FGF14: variants seen among roughly 807,000 people sequenced by gnomAD.
FGF14 encodes the protein fibroblast growth factor 14.
In FGF14, 5 loss-of-function variants were observed where a neutral mutation model predicts 25.5. The observed-to-expected ratio is 0.20, with a 90% confidence interval of 0.10 to 0.41. The LOEUF is 0.41. Among genes scored for constraint, FGF14 ranks in the 10% least tolerant of loss-of-function variants. The pLI is 1.00. For missense variants in FGF14, 222 were observed against 320.1 expected (o/e 0.69, Z 2.34); for synonymous variants, 138 against 118.3 (o/e 1.17, Z -1.08).
At chr13:102,188,840 C>T (rs544650448) in intron 1 of FGF14, among the ~76,000 whole-genome samples, 1 of 151,752 alleles carries the variant, frequency 6.6e-6, no homozygotes, top group Non-Finnish European at 1.5e-5. Context: ...ACTGGGGAGG[C>T]TGAGGCAGGA....
At chr13:102,095,399 C>T (rs888710614) in intron 1 of FGF14, among the ~76,000 whole-genome samples, 23 of 152,034 alleles carry the variant, frequency 1.5e-4, no homozygotes, top group Admixed American at 5.2e-4. Context: ...ACTTCTTTTA[C>T]GACATAGGCC....
chr13:102,363,016 T>C (rs2057610884), intron 1 of FGF14, among the ~76,000 whole-genome samples: 2 of 152,150 alleles, frequency 1.3e-5, no homozygotes, highest in South Asian at 2.1e-4. Context: ...ATAGTGAGCA[T>C]GTTAAGAATA....
chr13:102,247,834 C>T (rs541169033), intron 1 of FGF14, among the ~76,000 whole-genome samples: 2 of 152,126 alleles, frequency 1.3e-5, no homozygotes, highest in Non-Finnish European at 2.9e-5. Flanking sequence ...GACATGGACT[C>T]AACCTAAATG....
intron 1 of FGF14, among the ~76,000 whole-genome samples, chr13:102,121,883 A>G (rs2045744469): frequency 1.3e-5 from 2 of 152,234 alleles, no homozygotes; most frequent in Non-Finnish European, 2.9e-5. Context: ...TAACATAAGC[A>G]AAAAGAACAG....
intron 1 of FGF14, among the ~76,000 whole-genome samples, chr13:101,945,155 C>G (rs1269409456): frequency 6.6e-6 from 1 of 152,062 alleles, no homozygotes; most frequent in African/African-American, 2.4e-5. Flanking sequence ...CCCATCTCTA[C>G]TAAAAATACA....
chr13:101,919,447 A>C (rs1203908903), upstream of FGF14, among the ~76,000 whole-genome samples: 1 of 151,896 alleles, frequency 6.6e-6, no homozygotes, highest in Non-Finnish European at 1.5e-5. Flanking sequence ...TATTAATTTG[A>C]AAAGAGTGAC....
chr13:101,737,437 A>T (rs1269823428), intron 3 of FGF14, among the ~76,000 whole-genome samples: 2 of 278 alleles, frequency 7.2e-3, no homozygotes, highest in African/African-American at 7.4e-3. Context: ...TTTGCTGTGC[A>T]AAAAAATGAA....
chr13:102,066,307 C>G (rs2042901500), intron 1 of FGF14, among the ~76,000 whole-genome samples: 1 of 152,126 alleles, frequency 6.6e-6, no homozygotes, highest in Non-Finnish European at 1.5e-5. Context: ...ATCATTGTTA[C>G]TGTAGCATAT....
chr13:101,743,776 C>G (rs2036709443), intron 3 of FGF14, among the ~76,000 whole-genome samples: 1 of 151,814 alleles, frequency 6.6e-6, no homozygotes, highest in African/African-American at 2.4e-5. Flanking sequence ...AAGCTTATTT[C>G]AAAGATTTAA....
intron 1 of FGF14, among the ~76,000 whole-genome samples, chr13:102,177,104 A>G (rs2048481054): frequency 2.0e-5 from 3 of 152,208 alleles, no homozygotes; most frequent in South Asian, 2.1e-4. Flanking sequence ...GCTTGGATCT[A>G]CTTCACTCAA....
intron 1 of FGF14, among the ~76,000 whole-genome samples, chr13:102,114,226 G>A (rs762201438): frequency 2.0e-5 from 3 of 152,254 alleles, no homozygotes; most frequent in South Asian, 2.1e-4. Flanking sequence ...AAGAAATATC[G>A]AGTTCTTTGC....
At chr13:102,141,853 G>GA (rs1026388107) in intron 1 of FGF14, among the ~76,000 whole-genome samples, 83 of 152,122 alleles carry the variant, frequency 5.5e-4, no homozygotes, top group African/African-American at 1.9e-3. Context: ...AAAAGGTTTT[G>GA]AAAATGACAA....
intron 1 of FGF14, among the ~76,000 whole-genome samples, chr13:102,181,566 C>A (rs1413067939): frequency 1.3e-5 from 2 of 152,124 alleles, no homozygotes; most frequent in Admixed American, 1.3e-4. Context: ...AGGCGTTGTG[C>A]TGATGGAAGC....
intron 1 of FGF14, among the ~76,000 whole-genome samples, chr13:102,244,276 T>C (rs1302239363): frequency 6.6e-6 from 1 of 151,970 alleles, no homozygotes; most frequent in Non-Finnish European, 1.5e-5. Context: ...GTTCTTTTGT[T>C]GAAAAGTGTA....
intron 1 of FGF14, among the ~76,000 whole-genome samples, chr13:102,036,619 A>C (rs1009455129): frequency 1.3e-5 from 2 of 152,084 alleles, no homozygotes; most frequent in Non-Finnish European, 2.9e-5. Context: ...TGAAGATATA[A>C]GGAAGCAATA....
chr13:102,386,258 A>G (rs9300738), intron 1 of FGF14, among the ~76,000 whole-genome samples: 57,623 of 150,774 alleles, frequency 0.38, 13,764 homozygotes, highest in African/African-American at 0.68. Context: ...TCAGCTTCCC[A>G]AGTGGCTGGG....
rs78520213 is a variant in FGF14 at position 101,925,042 on chromosome 13, G to C, written c.209-49746C>G. The stretch of plus-strand genomic sequence containing the variant: ...TTTTATTCAACTGTTAAAAAGCTCT[G>C]TGAGCAAAGCAAGAATAAGAACCGA... On this transcript the variant is annotated intron_variant, in intron 1 of 4. Coordinates refer to the FGF14 transcript ENST00000376131. Among the ~76,000 whole-genome samples the C allele has an allele frequency of 9.6e-3, 1,469 of 152,234 alleles. 20 individuals are homozygous for C. The highest frequency in any genetic ancestry group is 0.029 in the African/African-American group (1,192 of 41,536).
chr13:102,003,207 C>T (rs1200339238), intron 1 of FGF14: 1 of 151,954 alleles, frequency 6.6e-6, no homozygotes, highest in East Asian at 1.9e-4. Context: ...TAAGTTTTAC[C>T]CAGTTGAAAC....
intron 1 of FGF14, among the ~76,000 whole-genome samples, chr13:102,347,254 C>A (rs778120774): frequency 1.3e-5 from 2 of 152,110 alleles, no homozygotes; most frequent in Non-Finnish European, 2.9e-5. Flanking sequence ...CAGGGATTTA[C>A]AATGACTCAA....
Sources: allele counts gnomAD v4.1 joint callset (sites outside exome capture counted in the v4.1 genomes callset), GRCh38; gene constraint gnomAD v4.1.1; transcripts MANE v1.5; gene names NCBI Gene and HGNC (gene_info 2026-07-23, HGNC 2026-07-21).